Variants in SOX13 observed in about 807,000 individuals in gnomAD.
The protein encoded by SOX13 is transcription factor SOX-13.
SOX13 carries 28 observed loss-of-function variants against 71.8 expected under a neutral mutation model. The observed-to-expected ratio is 0.39, with a 90% CI of 0.29 to 0.53. The LOEUF (loss-of-function observed/expected upper bound fraction) is 0.53, where lower values mean the gene tolerates loss of function less well. SOX13 is among the 20% of genes least tolerant of loss of function. The probability of loss-of-function intolerance (pLI) is 0.70; values close to 1 mark genes in which losing one functional copy is unlikely to be tolerated. For synonymous variants in SOX13, 309 were observed against 317.8 expected, an observed-to-expected ratio of 0.97 and a Z score of 0.29; for missense variants, 627 against 810.3, an observed-to-expected ratio of 0.77 and a Z score of 2.75.
rs376974667 is a variant in SOX13, at chr1:204,123,827, A to G, written c.1375+23A>G. On this transcript the variant is annotated intron_variant, in intron 12 of 13. Transcript: ENST00000367204. The surrounding 1 kb of genome is among the most constrained non-coding windows in gnomAD (Gnocchi z 5.0). The stretch of plus-strand genomic sequence containing the variant: ...TTGGTAAGGGCCAGTGGCTGGGGCC[A>G]TGGTTCAGTGTGACCTGGTTGCAGG... 5 of 1,613,482 alleles carry G rather than the reference A, an allele frequency of 3.1e-6. No homozygotes were observed. Among genetic ancestry groups the G allele is most frequent in the African/African-American group, 2.7e-5 (2 of 74,920 alleles).
At position 204,082,653 on chromosome 1, in the gene SOX13, A is replaced by G. The variant is rs1409502487; in HGVS notation, c.-2+8942A>G. Among the ~76,000 whole-genome samples, 5 of 152,228 alleles carry G rather than the reference A, an allele frequency of 3.3e-5. No homozygotes were observed. The East Asian group carries it at 5.8e-4, about 18-fold the overall frequency. On this transcript the variant is annotated intron_variant, in intron 1 of 13. Transcript: ENST00000367204. ...GAAAGGAGAGGTAGAGAAAGACCCA[A>G]TGGTGGGCTCCCTAACTGGGGCTTG...
Position 204,088,554 on chromosome 1 carries a change from G to T in SOX13, c.-2+14843G>T, listed in dbSNP as rs1656071218. 2.0e-5 allele frequency among the ~76,000 whole-genome samples: 3 copies of T among 152,164 alleles called. No homozygotes were observed. The South Asian group carries it at 6.2e-4, about 32-fold the overall frequency. ...ACTCTTGTTCTTTCCAGAGATGGCTGGTTCTGCCTTTTTGCACCTGTCTGT... is the reference window on the plus strand; with the variant it reads ...ACTCTTGTTCTTTCCAGAGATGGCTTGTTCTGCCTTTTTGCACCTGTCTGT... On this transcript the variant is annotated intron_variant, in intron 1 of 13. Coordinates refer to ENST00000367204, the MANE Select transcript of SOX13 (RefSeq NM_005686.3).
rs539370489 is a variant in SOX13, at chr1:204,079,262, G to A, written c.-2+5551G>A. Among the ~76,000 whole-genome samples the A allele has an allele frequency of 7.1e-3, 1,075 of 150,734 alleles. 11 individuals are homozygous for A. The highest frequency in any genetic ancestry group is 0.025 in the African/African-American group (1,034 of 41,036). On this transcript the variant is annotated intron_variant, in intron 1 of 13. Coordinates refer to ENST00000367204, the MANE Select transcript of SOX13 (RefSeq NM_005686.3). ...GCCACTGCACTCCAGCCTGGGTGAC[G>A]GAGCAAGACTCCGTCTCAAAAAACA...
intron 1 of SOX13, among the ~76,000 whole-genome samples, chr1:204,099,354 C>T (rs1241598488): frequency 2.0e-5 from 3 of 148,796 alleles, no homozygotes; most frequent in Non-Finnish European, 4.4e-5. Context: ...TATGGTCTGA[C>T]TGAGAGGTGG....
intron 1 of SOX13, among the ~76,000 whole-genome samples, chr1:204,086,590 T>A (rs757182738): frequency 5.3e-5 from 8 of 151,914 alleles, no homozygotes; most frequent in Non-Finnish European, 1.2e-4. Context: ...CATGAGCCAC[T>A]GCACCTGGCC....
chr1:204,099,505 A>G (rs905992625), intron 1 of SOX13, among the ~76,000 whole-genome samples: 4 of 141,344 alleles, frequency 2.8e-5, no homozygotes, highest in South Asian at 2.3e-4. Flanking sequence ...GGCTCACTGC[A>G]GCCCCAACCT....
chr1:204,122,144 T>A lies in SOX13; in HGVS notation c.862-93T>A, dbSNP rs567331795. The A allele has an allele frequency of 2.5e-6, 3 of 1,181,804 alleles. No individual in the cohort carries two copies. In the Admixed American group the frequency reaches 7.1e-5, roughly 28 times the overall value. 73.2% of individuals were successfully genotyped at this position (1,181,804 alleles called of 1,614,324 possible). A position where few individuals can be genotyped will look rare whatever the true frequency, so the allele number is the denominator to read the frequency against. On this transcript the variant is annotated intron_variant, in intron 8 of 13. Coordinates refer to ENST00000367204, the MANE Select transcript of SOX13 (RefSeq NM_005686.3). ...CCACTTTTCTGTCTGTCTCCTTGTG[T>A]GTTCTGGGTATGCTCACCTCACTTC...
At chr1:204,102,110 A>G (rs766450665) in intron 1 of SOX13, among the ~76,000 whole-genome samples, 1 of 152,340 alleles carries the variant, frequency 6.6e-6, no homozygotes, top group Non-Finnish European at 1.5e-5. Flanking sequence ...TTCACCATGT[A>G]CTATGAGGGC....
At chr1:204,106,340 T>G (rs1452308431) in intron 1 of SOX13, among the ~76,000 whole-genome samples, 1 of 152,152 alleles carries the variant, frequency 6.6e-6, no homozygotes, top group Non-Finnish European at 1.5e-5. Context: ...ACAGTATCCA[T>G]CACCTGTTAA....
In SOX13 at chr1:204,126,172, A is replaced by C; in HGVS notation, c.*38A>C. 1 of 1,599,118 alleles carries C rather than the reference A, an allele frequency of 6.3e-7. No individual in the cohort carries two copies. The highest frequency in any genetic ancestry group is 8.5e-7 in the Non-Finnish European group (1 of 1,170,094). ...GGGCCTGGCCCCTTCTCCTCTGGGG[A>C]AGACCTTGTCCCAACTCGATGGGCA... On this transcript the variant is annotated 3_prime_UTR_variant, in exon 14 of 14. Transcript: ENST00000367204.
intron 1 of SOX13, among the ~76,000 whole-genome samples, chr1:204,102,888 CAA>C (rs944093085): frequency 6.6e-6 from 1 of 152,096 alleles, no homozygotes; most frequent in Admixed American, 6.5e-5. Flanking sequence ...GTCCATGTGA[CAA>C]AGTCCTTTTT....
At chr1:204,080,152 C>T (rs948870556) in intron 1 of SOX13, among the ~76,000 whole-genome samples, 1 of 152,178 alleles carries the variant, frequency 6.6e-6, no homozygotes, top group Non-Finnish European at 1.5e-5. Context: ...TACCCAGGCC[C>T]TTTTGGTCAC....
chr1:204,108,664 G>A (rs1011422781), intron 1 of SOX13, among the ~76,000 whole-genome samples: 6 of 152,222 alleles, frequency 3.9e-5, no homozygotes, highest in Admixed American at 2.6e-4. Context: ...GGAGGGACCC[G>A]GTGGCCGGCC....
chr1:204,123,874 G>T lies in SOX13; in HGVS notation c.1375+70G>T. The T allele has an allele frequency of 1.3e-6, 2 of 1,555,688 alleles. No individual in the cohort carries two copies. The highest frequency in any genetic ancestry group is 1.7e-5 in the Admixed American group (1 of 58,232). On this transcript the variant is annotated intron_variant, in intron 12 of 13. Transcript: ENST00000367204. This position sits in a 1 kb window ranked among gnomAD's most constrained non-coding sequence, Gnocchi z 5.0. ...CAGGAGCCAGCTGGGTCTATTCAGG[G>T]CTTGCTTGGTGATATTCCATACTGT... is the stretch of plus-strand genomic sequence containing the variant.
chr1:204,119,670 C>T (rs1656763577), intron 7 of SOX13: 1 of 152,238 alleles, frequency 6.6e-6, no homozygotes, highest in South Asian at 2.1e-4. Context: ...CAAATCTTAA[C>T]TTGTTCCAGC....
intron 1 of SOX13, among the ~76,000 whole-genome samples, chr1:204,085,497 G>A (rs933072268): frequency 1.3e-5 from 2 of 152,166 alleles, no homozygotes; most frequent in Admixed American, 6.5e-5. Flanking sequence ...ATAATGGCAG[G>A]TTGGTTAAGT....
intron 7 of SOX13, among the ~76,000 whole-genome samples, chr1:204,120,685 C>A (rs944945411): frequency 2.0e-5 from 3 of 152,222 alleles, no homozygotes; most frequent in Non-Finnish European, 4.4e-5. Flanking sequence ...ACCTCGGCTC[C>A]CACAGGGAGC....
chr1:204,086,849 T>A (rs1400607831), intron 1 of SOX13, among the ~76,000 whole-genome samples: 1 of 152,088 alleles, frequency 6.6e-6, no homozygotes, highest in Non-Finnish European at 1.5e-5. Flanking sequence ...GGTCCCTCTG[T>A]GATCTGGCTC....
At chr1:204,099,069 G>A (rs1269291437) in intron 1 of SOX13, among the ~76,000 whole-genome samples, 1 of 152,202 alleles carries the variant, frequency 6.6e-6, no homozygotes, top group African/African-American at 2.4e-5. Flanking sequence ...CAGCAGAGGT[G>A]GGACAGTGGG....
Sources: allele counts gnomAD v4.1 joint callset (sites outside exome capture counted in the v4.1 genomes callset), GRCh38; gene constraint gnomAD v4.1.1; non-coding constraint Gnocchi (gnomAD v3.1); transcripts MANE v1.5; gene names NCBI Gene and HGNC (gene_info 2026-07-23, HGNC 2026-07-21).